Variants in CADPS observed in about 807,000 individuals in gnomAD.
CADPS encodes calcium-dependent secretion activator 1.
CADPS carries 57 observed loss-of-function variants against 167.3 expected under a neutral mutation model. That is an observed-to-expected ratio of 0.34 (90% confidence interval 0.28 to 0.42). The LOEUF is 0.42. CADPS is among the 20% of genes least tolerant of loss of function. The pLI is 1.00. For missense variants in CADPS, 1,414 were observed against 1,738.1 expected (o/e 0.81, Z 3.32); for synonymous variants, 676 against 635.3 (o/e 1.06, Z -0.96).
chr3:62,439,246 G>T (rs549770663), intron 27 of CADPS: 1 of 152,148 alleles, frequency 6.6e-6, no homozygotes, highest in Admixed American at 6.5e-5. Context: ...ACTGTAAATT[G>T]AAGTTAGTTA....
intron 1 of CADPS, among the ~76,000 whole-genome samples, chr3:62,766,286 A>C (rs2086841952): frequency 6.6e-6 from 1 of 152,152 alleles, no homozygotes; most frequent in Non-Finnish European, 1.5e-5. Flanking sequence ...GAGGTTACTT[A>C]CACCTATGGT....
At chr3:62,777,547 G>T (rs1217591185) in intron 1 of CADPS, among the ~76,000 whole-genome samples, 4 of 152,148 alleles carry the variant, frequency 2.6e-5, no homozygotes, top group Non-Finnish European at 4.4e-5. Flanking sequence ...AGGAACTTTA[G>T]TTAATAATAA....
At chr3:62,659,687 T>C (rs2072676827) in intron 4 of CADPS, among the ~76,000 whole-genome samples, 1 of 152,172 alleles carries the variant, frequency 6.6e-6, no homozygotes, top group Non-Finnish European at 1.5e-5. Flanking sequence ...AATTCATTGG[T>C]TTAGTTTGCA....
chr3:62,592,787 G>T, intron 6 of CADPS, 39 bp from the exon 7 acceptor site: 1 of 1,434,822 alleles, frequency 7.0e-7, no homozygotes, highest in Non-Finnish European at 9.8e-7. Context: ...AGACATATCT[G>T]CCTTGATGAG....
At chr3:62,582,723 G>A (rs2083682673) in intron 8 of CADPS, among the ~76,000 whole-genome samples, 3 of 152,158 alleles carry the variant, frequency 2.0e-5, no homozygotes, top group Admixed American at 2.0e-4. Context: ...TGTATCTCCT[G>A]GCAGGGGTAA....
At chr3:62,550,831 T>C (rs747454780) in intron 10 of CADPS, 2 of 456,704 alleles carry the variant, frequency 4.4e-6, no homozygotes, top group Middle Eastern at 3.3e-4. Flanking sequence ...CCTCATTTTA[T>C]TGGGCCCACC....
At chr3:62,590,413 T>C (rs1578340712) in intron 7 of CADPS, among the ~76,000 whole-genome samples, 1 of 152,346 alleles carries the variant, frequency 6.6e-6, no homozygotes, top group East Asian at 1.9e-4. Context: ...TGTGTGTCTC[T>C]CTTTCCCTAG....
intron 1 of CADPS, among the ~76,000 whole-genome samples, chr3:62,766,867 C>T (rs558708200): frequency 2.0e-5 from 3 of 152,264 alleles, no homozygotes; most frequent in Admixed American, 1.3e-4. Context: ...TTCCACAGCA[C>T]AGTGTTTGTT....
intron 3 of CADPS, among the ~76,000 whole-genome samples, chr3:62,728,391 TC>T (rs1189829332): frequency 6.6e-6 from 1 of 151,834 alleles, no homozygotes; most frequent in Non-Finnish European, 1.5e-5. Flanking sequence ...TTTTTCTATA[TC>T]TAACACTCAC....
At chr3:62,868,782 A>G (rs2082140021) in intron 1 of CADPS, among the ~76,000 whole-genome samples, 1 of 152,148 alleles carries the variant, frequency 6.6e-6, no homozygotes, top group African/African-American at 2.4e-5. Flanking sequence ...ACCAAATACA[A>G]CTTTGAATGA....
At chr3:62,621,933 T>C (rs780277193) in intron 6 of CADPS, among the ~76,000 whole-genome samples, 16 of 151,932 alleles carry the variant, frequency 1.1e-4, no homozygotes, top group Non-Finnish European at 1.5e-4. Context: ...TTATTTCATC[T>C]GGAGCCTGCC....
chr3:62,871,229 G>A (rs974810150), intron 1 of CADPS, among the ~76,000 whole-genome samples: 2 of 152,080 alleles, frequency 1.3e-5, no homozygotes, highest in Non-Finnish European at 1.5e-5. Context: ...CTGTTCCTTC[G>A]GAAGTGTTCT....
intron 3 of CADPS, among the ~76,000 whole-genome samples, chr3:62,724,601 G>A (rs1167566944): frequency 1.3e-5 from 2 of 152,138 alleles, no homozygotes; most frequent in Admixed American, 1.3e-4. Flanking sequence ...GTACAACTGG[G>A]ACTGTTGGTA....
chr3:62,634,946 C>A (rs1320773859), intron 6 of CADPS, among the ~76,000 whole-genome samples: 3 of 152,140 alleles, frequency 2.0e-5, no homozygotes, highest in Non-Finnish European at 4.4e-5. Flanking sequence ...CCAATAGCAT[C>A]TTATGCACTT....
At chr3:62,724,439 G>A (rs1331410884) in intron 3 of CADPS, among the ~76,000 whole-genome samples, 1 of 152,124 alleles carries the variant, frequency 6.6e-6, no homozygotes, top group African/African-American at 2.4e-5. Flanking sequence ...TCAAGGCACA[G>A]ACATACATTT....
At chr3:62,855,215 G>A (rs1286931605) in intron 1 of CADPS, among the ~76,000 whole-genome samples, 1 of 151,262 alleles carries the variant, frequency 6.6e-6, no homozygotes. Context: ...AAAGTGCTGG[G>A]ATTACAGGCA....
intron 1 of CADPS, among the ~76,000 whole-genome samples, chr3:62,815,868 A>G (rs1054377289): frequency 6.6e-5 from 10 of 152,192 alleles, no homozygotes; most frequent in Non-Finnish European, 1.2e-4. Flanking sequence ...AAAGAAGGAA[A>G]GATGAGTAAT....
chr3:62,716,851 G>A (rs2084754271), intron 3 of CADPS, among the ~76,000 whole-genome samples: 1 of 152,128 alleles, frequency 6.6e-6, no homozygotes, highest in African/African-American at 2.4e-5. Context: ...ATCCCAAATG[G>A]AACAGTTTTT....
intron 1 of CADPS, among the ~76,000 whole-genome samples, chr3:62,846,054 GCT>G (rs112418953): frequency 0.092 from 13,621 of 148,030 alleles, 673 homozygotes; most frequent in African/African-American, 0.12. Flanking sequence ...TTCCCCCTTT[GCT>G]CTCTCTCTCT....
Sources: allele counts gnomAD v4.1 joint callset (sites outside exome capture counted in the v4.1 genomes callset), GRCh38; gene constraint gnomAD v4.1.1; transcripts MANE v1.5; gene names NCBI Gene and HGNC (gene_info 2026-07-23, HGNC 2026-07-21).